The following RBFOX1 variants were observed in gnomAD, a reference collection of about 807,000 sequenced individuals.
RBFOX1 encodes the protein RNA binding fox-1 homolog 1, also known as RNA binding protein fox-1 homolog 1.
A neutral mutation model predicts 57.7 loss-of-function variants in RBFOX1; 8 were observed. The ratio of observed to expected loss-of-function variants is 0.14; its 90% CI spans 0.08 to 0.25. The LOEUF (loss-of-function observed/expected upper bound fraction) is 0.25, where lower values mean the gene tolerates loss of function less well. Among genes scored for constraint, RBFOX1 ranks in the 10% least tolerant of loss-of-function variants. RBFOX1 has a pLI of 1.00. For synonymous variants in RBFOX1, 326 were observed against 222.4 expected (o/e 1.47, Z -4.15); for missense variants, 611 against 548.5 (o/e 1.11, Z -1.14).
In RBFOX1 at chr16:6,357,451, T is replaced by C. The variant is rs2087555659; in HGVS notation, c.-64+40394T>C. On this transcript the variant is annotated intron_variant, in intron 2 of 15. Transcript: ENST00000550418. ...CTTATTGGTGGGGGTAAAGAGGGTA[T>C]TGTTTTCCTGGGGGTTTCTGTTCCA... Among the ~76,000 whole-genome samples the C allele has an allele frequency of 2.6e-5, 4 of 151,682 alleles. No individual in the cohort carries two copies. In the South Asian group the frequency reaches 8.3e-4, roughly 32 times the overall value.
At chr16:6,918,073 G>A (rs1346780283) in intron 3 of RBFOX1, among the ~76,000 whole-genome samples, 1 of 152,126 alleles carries the variant, frequency 6.6e-6, no homozygotes, top group African/African-American at 2.4e-5. Context: ...GATCGCTTGA[G>A]GTCAGGAGTT....
intron 3 of RBFOX1, among the ~76,000 whole-genome samples, chr16:6,944,509 G>C (rs111411737): frequency 2.0e-5 from 3 of 152,132 alleles, no homozygotes; most frequent in African/African-American, 7.2e-5. Context: ...CTTTGGATCA[G>C]AGTGATAGTA....
intron 3 of RBFOX1, among the ~76,000 whole-genome samples, chr16:5,843,115 C>A (rs1270038920): frequency 6.6e-6 from 1 of 152,222 alleles, no homozygotes; most frequent in Non-Finnish European, 1.5e-5. Flanking sequence ...GCGTGAGCCA[C>A]CACGCCAGGC....
intron 1 of RBFOX1, among the ~76,000 whole-genome samples, chr16:6,217,057 C>A (rs1022727606): frequency 2.0e-5 from 3 of 152,130 alleles, no homozygotes; most frequent in African/African-American, 7.2e-5. Flanking sequence ...TCTGACATAT[C>A]CGCATCTTAA....
chr16:5,803,317 C>T (rs991150791), intron 3 of RBFOX1, among the ~76,000 whole-genome samples: 1 of 152,088 alleles, frequency 6.6e-6, no homozygotes, highest in Non-Finnish European at 1.5e-5. Context: ...TTTTATGGTC[C>T]TCTTTGTACT....
intron 4 of RBFOX1, among the ~76,000 whole-genome samples, chr16:7,246,550 T>C (rs1259147428): frequency 1.3e-5 from 2 of 152,004 alleles, no homozygotes; most frequent in Non-Finnish European, 1.5e-5. Context: ...CATCCTTCCT[T>C]TTCCACAAAC....
At chr16:7,497,045 C>T (rs945961150) in intron 4 of RBFOX1, among the ~76,000 whole-genome samples, 2 of 152,128 alleles carry the variant, frequency 1.3e-5, no homozygotes, top group Non-Finnish European at 2.9e-5. Flanking sequence ...ATGTCCCCAC[C>T]TTTTCCTGTC....
intron 3 of RBFOX1, among the ~76,000 whole-genome samples, chr16:6,839,841 T>A (rs11648323): frequency 6.6e-6 from 1 of 151,944 alleles, no homozygotes; most frequent in Non-Finnish European, 1.5e-5. Flanking sequence ...TAATCATACC[T>A]CTGTTCTTAC....
intron 5 of RBFOX1, among the ~76,000 whole-genome samples, chr16:7,552,764 C>G (rs941145529): frequency 6.6e-6 from 1 of 152,132 alleles, no homozygotes; most frequent in African/African-American, 2.4e-5. Context: ...CTCACTGCAA[C>G]CTCTGCCTCC....
intron 2 of RBFOX1, among the ~76,000 whole-genome samples, chr16:6,503,113 G>A (rs760036246): frequency 3.3e-5 from 5 of 152,150 alleles, no homozygotes; most frequent in Non-Finnish European, 2.9e-5. Context: ...ACTATGAAGA[G>A]TGATTATTCA....
chr16:6,815,086 C>T (rs1415280560), intron 3 of RBFOX1, among the ~76,000 whole-genome samples: 1 of 152,086 alleles, frequency 6.6e-6, no homozygotes, highest in Non-Finnish European at 1.5e-5. Flanking sequence ...ATGACTAGAA[C>T]TGAGGGTTTC....
At chr16:6,443,039 C>A (rs543655801) in intron 2 of RBFOX1, among the ~76,000 whole-genome samples, 1 of 152,114 alleles carries the variant, frequency 6.6e-6, no homozygotes, top group Admixed American at 6.5e-5. Flanking sequence ...TTCAGCAGGA[C>A]CCACTTTGGA....
intron 2 of RBFOX1, among the ~76,000 whole-genome samples, chr16:6,490,970 G>A (rs1027511929): frequency 6.6e-6 from 1 of 152,020 alleles, no homozygotes; most frequent in South Asian, 2.1e-4. Context: ...TTCAGGAAAT[G>A]GTTTAAAATG....
intron 3 of RBFOX1, among the ~76,000 whole-genome samples, chr16:6,888,496 T>C (rs1362366431): frequency 6.6e-6 from 1 of 152,204 alleles, no homozygotes; most frequent in African/African-American, 2.4e-5. Flanking sequence ...TTAAATTCCC[T>C]TGCAATTGCA....
At chr16:5,575,426 G>A (rs1216366643) in intron 2 of RBFOX1, among the ~76,000 whole-genome samples, 1 of 152,112 alleles carries the variant, frequency 6.6e-6, no homozygotes, top group Admixed American at 6.5e-5. Flanking sequence ...CTCTATGTCA[G>A]GCAGGTTCAA....
intron 1 of RBFOX1, among the ~76,000 whole-genome samples, chr16:6,287,691 C>T (rs901748037): frequency 5.3e-5 from 8 of 152,108 alleles, no homozygotes; most frequent in Admixed American, 2.0e-4. Flanking sequence ...CATAAAAGCA[C>T]ACACACATAT....
chr16:6,972,567 G>A (rs1021854485), intron 3 of RBFOX1, among the ~76,000 whole-genome samples: 1 of 152,142 alleles, frequency 6.6e-6, no homozygotes, highest in Non-Finnish European at 1.5e-5. Context: ...ATATATTGCA[G>A]CAGATTTTTA....
At chr16:6,735,164 AACATCAACAAC>A (rs2069809105) in intron 3 of RBFOX1, among the ~76,000 whole-genome samples, 1 of 137,458 alleles carries the variant, frequency 7.3e-6, no homozygotes, top group African/African-American at 3.1e-5. Flanking sequence ...AAACAACAAC[AACATCAACAAC>A]AACAACATCA....
chr16:6,794,637 C>T lies in RBFOX1; in HGVS notation c.-16+139987C>T, dbSNP rs180699042. ...TGGAATAGTTTCTAGGCATGTAAAG[C>T]GGGTGAGAGAAACCAAACCCTTCCC... On this transcript the variant is annotated intron_variant, in intron 3 of 15. Transcript: ENST00000550418. Among the ~76,000 whole-genome samples the T allele has an allele frequency of 2.9e-4, 44 of 152,176 alleles. No individual in the cohort carries two copies. The East Asian group carries it at 6.6e-3, about 23-fold the overall frequency.
Sources: gnomAD v4.1 joint callset for allele counts (sites outside exome capture counted in the v4.1 genomes callset) on GRCh38, gnomAD v4.1.1 for gene constraint, MANE v1.5 for transcripts, NCBI Gene and HGNC (gene_info 2026-07-23, HGNC 2026-07-21) for gene names.